The following TCERG1L variants were observed in gnomAD, a reference collection of about 807,000 sequenced individuals.
TCERG1L encodes transcription elongation regulator 1 like.
Under a neutral mutation model 56.3 loss-of-function variants are expected in TCERG1L, and 37 were observed. The observed-to-expected ratio is 0.66, with a 90% confidence interval of 0.51 to 0.87. The LOEUF (loss-of-function observed/expected upper bound fraction) is 0.87, where lower values mean the gene tolerates loss of function less well. TCERG1L is among the 40% of genes least tolerant of loss of function. TCERG1L has a pLI of 0.00. For synonymous variants in TCERG1L, 324 were observed against 326.3 expected (o/e 0.99, Z 0.08); for missense variants, 799 against 774.2 (o/e 1.03, Z -0.38).
chr10:131,266,211 C>T (rs1189814167), intron 3 of TCERG1L, among the ~76,000 whole-genome samples: 2 of 152,234 alleles, frequency 1.3e-5, no homozygotes, highest in East Asian at 1.9e-4. Flanking sequence ...CATCTTCAAG[C>T]TCCACTTCCA....
intron 4 of TCERG1L, among the ~76,000 whole-genome samples, chr10:131,186,017 T>C (rs1265721072): frequency 6.6e-6 from 1 of 152,252 alleles, no homozygotes; most frequent in Non-Finnish European, 1.5e-5. Context: ...GACGGAACAT[T>C]ATCTTGCGAT....
chr10:131,227,560 C>T (rs1264527857), intron 4 of TCERG1L, among the ~76,000 whole-genome samples: 9 of 152,200 alleles, frequency 5.9e-5, no homozygotes, highest in African/African-American at 4.8e-5. Context: ...ACTCAGATCC[C>T]GGAAAGGACC....
intron 4 of TCERG1L, among the ~76,000 whole-genome samples, chr10:131,178,982 C>T (rs887241894): frequency 6.6e-6 from 1 of 152,258 alleles, no homozygotes; most frequent in Non-Finnish European, 1.5e-5. Flanking sequence ...CACACTCCTA[C>T]GTGTCATCAC....
chr10:131,123,320 CAAAT>C (rs1413095299), intron 8 of TCERG1L, among the ~76,000 whole-genome samples: 1 of 152,128 alleles, frequency 6.6e-6, no homozygotes, highest in Non-Finnish European at 1.5e-5. Flanking sequence ...AAAAAGCAAA[CAAAT>C]GAATGCAGCT....
intron 4 of TCERG1L, among the ~76,000 whole-genome samples, chr10:131,205,179 G>A (rs1162126764): frequency 6.6e-6 from 1 of 152,112 alleles, no homozygotes; most frequent in Non-Finnish European, 1.5e-5. Context: ...GAAAAAGAAG[G>A]TTAATGCTCG....
chr10:131,132,742 T>A (rs1845631509), intron 8 of TCERG1L, among the ~76,000 whole-genome samples: 1 of 152,176 alleles, frequency 6.6e-6, no homozygotes, highest in Non-Finnish European at 1.5e-5. Flanking sequence ...TCCTTGTCCA[T>A]CCCCTGTGGC....
chr10:131,105,287 G>A (rs1168175301), intron 9 of TCERG1L, among the ~76,000 whole-genome samples: 2 of 152,332 alleles, frequency 1.3e-5, no homozygotes, highest in South Asian at 2.1e-4. Flanking sequence ...AGTGGTGGCC[G>A]TGGTCGGCTG....
At chr10:131,278,261 T>C (rs1846413485) in intron 3 of TCERG1L, among the ~76,000 whole-genome samples, 1 of 151,958 alleles carries the variant, frequency 6.6e-6, no homozygotes, top group South Asian at 2.1e-4. Context: ...GCGATGCTTC[T>C]AGAGTTCACT....
intron 6 of TCERG1L, among the ~76,000 whole-genome samples, chr10:131,154,340 C>T (rs1845896580): frequency 6.6e-6 from 1 of 152,192 alleles, no homozygotes; most frequent in African/African-American, 2.4e-5. Context: ...TCAAAATCAG[C>T]TGGCTGGTGG....
At chr10:131,106,770 T>A (rs1007656255) in intron 9 of TCERG1L, among the ~76,000 whole-genome samples, 4 of 152,220 alleles carry the variant, frequency 2.6e-5, no homozygotes, top group African/African-American at 9.6e-5. Context: ...CCCATTCACA[T>A]TCTTAAAATA....
At position 131,308,382 on chromosome 10, in the gene TCERG1L, T is replaced by C; in HGVS notation, c.499A>G (p.Asn167Asp). The C allele has an allele frequency of 6.2e-7, 1 of 1,612,612 alleles. No individual in the cohort carries two copies. The highest frequency in any genetic ancestry group is 8.5e-7 in the Non-Finnish European group (1 of 1,179,324). ...KRIPNCKIFF[N>D]NSFALDSTWI... is the part of the protein sequence containing the mutation. ...GTTGAGTCCAGAGCAAAGGAATTAT[T>C]AAAAAAGATCTGTCGAAAAATAATG... The change falls in exon 3 of 12, where the codon AAT becomes GAT. Residue 167 changes from asparagine (N) to aspartate (D), a missense_variant. By Grantham distance (23) the Asn-to-Asp change is conservative. Transcript: ENST00000368642.
chr10:131,093,069 G>A lies in TCERG1L; in HGVS notation c.*93C>T. On this transcript the variant is annotated 3_prime_UTR_variant, in exon 12 of 12. Coordinates refer to ENST00000368642, the MANE Select transcript of TCERG1L (RefSeq NM_174937.4). ...TGCCCGCTGGGCCGTGCAGGTCTCG[G>A]CCGCCCCACGCCCGTGTCCGTCTCC... The A allele has an allele frequency of 3.5e-6, 5 of 1,433,836 alleles. No homozygotes were observed. Among genetic ancestry groups the A allele is most frequent in the Non-Finnish European group, 4.7e-6 (5 of 1,060,242 alleles). 88.8% of individuals were successfully genotyped at this position (1,433,836 alleles called of 1,614,324 possible). A position where few individuals can be genotyped will look rare whatever the true frequency, so the allele number is the denominator to read the frequency against.
intron 4 of TCERG1L, among the ~76,000 whole-genome samples, chr10:131,215,644 G>A (rs1036901491): frequency 6.6e-6 from 1 of 152,120 alleles, no homozygotes; most frequent in Non-Finnish European, 1.5e-5. Context: ...CCCATGGGAG[G>A]GTGTTTGACT....
At chr10:131,106,029 C>G (rs958719246) in intron 9 of TCERG1L, among the ~76,000 whole-genome samples, 1 of 152,212 alleles carries the variant, frequency 6.6e-6, no homozygotes, top group Non-Finnish European at 1.5e-5. Context: ...CTCCAAGAAG[C>G]CCTGGCTCCT....
chr10:131,194,891 A>G (rs74160865), intron 4 of TCERG1L, among the ~76,000 whole-genome samples: 1 of 152,190 alleles, frequency 6.6e-6, no homozygotes, highest in Non-Finnish European at 1.5e-5. Flanking sequence ...TTTTGCCTGT[A>G]TATACACACA....
intron 4 of TCERG1L, among the ~76,000 whole-genome samples, chr10:131,245,639 C>A (rs570669915): frequency 1.2e-3 from 190 of 152,344 alleles, no homozygotes; most frequent in South Asian, 2.9e-3. Flanking sequence ...ATGTGGCTCT[C>A]TGGTAACCTT....
chr10:131,107,769 T>A (rs1397936207), intron 9 of TCERG1L, among the ~76,000 whole-genome samples: 3 of 151,488 alleles, frequency 2.0e-5, no homozygotes, highest in African/African-American at 7.3e-5. Flanking sequence ...ACACCACACA[T>A]ACAAACATCC....
chr10:131,125,846 G>A (rs1321468530), intron 8 of TCERG1L, among the ~76,000 whole-genome samples: 3 of 152,222 alleles, frequency 2.0e-5, no homozygotes, highest in Non-Finnish European at 4.4e-5. Flanking sequence ...AGGCAGCTAG[G>A]TGAACTCAGC....
intron 4 of TCERG1L, among the ~76,000 whole-genome samples, chr10:131,247,904 ACG>A (rs1846055954): frequency 8.7e-6 from 1 of 115,200 alleles, no homozygotes; most frequent in African/African-American, 3.1e-5. Flanking sequence ...AGGTGCACAC[ACG>A]CACACACACG....
Sources: gnomAD v4.1 joint callset for allele counts (sites outside exome capture counted in the v4.1 genomes callset) on GRCh38, gnomAD v4.1.1 for gene constraint, MANE v1.5 for transcripts, NCBI Gene and HGNC (gene_info 2026-07-23, HGNC 2026-07-21) for gene names.